NAV2: variants seen among roughly 807,000 people sequenced by gnomAD.
NAV2 encodes neuron navigator 2, also known as helicase, APC down-regulated 1.
Under a neutral mutation model 223.2 loss-of-function variants are expected in NAV2, and 54 were observed. That is an observed-to-expected ratio of 0.24 (90% CI 0.19 to 0.30). The LOEUF is 0.30. NAV2 is among the 10% of genes least tolerant of loss of function. The probability of loss-of-function intolerance (pLI) is 1.00; values close to 1 mark genes in which losing one functional copy is unlikely to be tolerated. For synonymous variants in NAV2, 1,279 were observed against 1,239.3 expected (o/e 1.03, Z -0.67); for missense variants, 2,806 against 3,147.5 (o/e 0.89, Z 2.60).
intron 1 of NAV2, among the ~76,000 whole-genome samples, chr11:19,672,381 C>T (rs2048596264): frequency 6.6e-6 from 1 of 152,236 alleles, no homozygotes; most frequent in Non-Finnish European, 1.5e-5. Context: ...GGTATCGCTG[C>T]TGGTCAAAGT....
intron 2 of NAV2, among the ~76,000 whole-genome samples, chr11:19,833,064 C>T (rs1165241682): frequency 6.6e-6 from 1 of 152,170 alleles, no homozygotes; most frequent in African/African-American, 2.4e-5. Flanking sequence ...ATTAGATGGT[C>T]CGGGTTAATA....
At chr11:19,884,835 T>G (rs528190922) in intron 5 of NAV2, among the ~76,000 whole-genome samples, 1 of 152,266 alleles carries the variant, frequency 6.6e-6, no homozygotes, top group South Asian at 2.1e-4. Flanking sequence ...TGGTTTTCCC[T>G]TGAGTTATAA....
In NAV2 at chr11:19,817,100, T is replaced by G. The variant is rs527394819; in HGVS notation, c.268-15384T>G. Among the ~76,000 whole-genome samples, 22 of 152,296 alleles carry G rather than the reference T, an allele frequency of 1.4e-4. No homozygotes were observed. In the East Asian group the frequency reaches 4.2e-3, roughly 29 times the overall value. On this transcript the variant is annotated intron_variant, in intron 1 of 37. Coordinates refer to ENST00000349880, the MANE Select transcript of NAV2 (RefSeq NM_145117.5). ...GCTCAGGTTTCTTGGGTAAGAAACATCCTCAAATAATCACCACGAGTGCAC... is the reference window on the plus strand; with the variant it reads ...GCTCAGGTTTCTTGGGTAAGAAACAGCCTCAAATAATCACCACGAGTGCAC...
Position 19,933,587 on chromosome 11 carries a change from T to C in NAV2, c.1343T>C (p.Met448Thr). The C allele has an allele frequency of 6.2e-7, 1 of 1,612,284 alleles. No individual in the cohort carries two copies. The highest frequency in any genetic ancestry group is 1.1e-5 in the South Asian group (1 of 91,034). Reference protein sequence around the residue: ...ESEELEAASRMLTTVGPASSS... With the variant: ...ESEELEAASRTLTTVGPASSS... ...GAGGAGCTGGAGGCCGCCAGTCGCA[T>C]GCTCACCACCGTGGGCCCTGCTTCC... The change falls in exon 7 of 38, where the codon ATG (methionine) becomes ACG (threonine). Residue 448 changes from methionine to threonine, a missense_variant. By Grantham distance (81) the Met-to-Thr change is moderately conservative. Coordinates refer to ENST00000349880, the MANE Select transcript of NAV2 (RefSeq NM_145117.5). This position sits in a 1 kb window ranked among gnomAD's most constrained non-coding sequence, Gnocchi z 4.3.
At chr11:19,876,725 G>A (rs1565477400) in intron 4 of NAV2, among the ~76,000 whole-genome samples, 9 of 151,806 alleles carry the variant, frequency 5.9e-5, no homozygotes, top group Admixed American at 5.9e-4. Flanking sequence ...TGATGTGAAC[G>A]TGCCTACTTT....
intron 1 of NAV2, among the ~76,000 whole-genome samples, chr11:19,387,495 C>T (rs979700018): frequency 6.6e-6 from 1 of 152,098 alleles, no homozygotes; most frequent in Non-Finnish European, 1.5e-5. Flanking sequence ...CCCATTTCCT[C>T]CAGGGGACAT....
At chr11:19,406,053 A>T (rs75537963) in intron 1 of NAV2, among the ~76,000 whole-genome samples, 5,814 of 152,284 alleles carry the variant, frequency 0.038, 348 homozygotes, top group African/African-American at 0.13. Flanking sequence ...AGAAATAAAT[A>T]CCAAAAAAGA....
At chr11:19,448,878 G>T (rs1851685370) in intron 1 of NAV2, among the ~76,000 whole-genome samples, 1 of 152,202 alleles carries the variant, frequency 6.6e-6, no homozygotes, top group South Asian at 2.1e-4. Context: ...AGGGAGAGAG[G>T]AGAGCCAGAA....
chr11:19,788,962 G>C (rs967338398), intron 1 of NAV2, among the ~76,000 whole-genome samples: 1 of 151,918 alleles, frequency 6.6e-6, no homozygotes, highest in African/African-American at 2.4e-5. Context: ...TTAGTAACAG[G>C]CTGTCTTCTT....
chr11:19,661,605 G>A (rs1420479404), intron 1 of NAV2, among the ~76,000 whole-genome samples: 2 of 152,152 alleles, frequency 1.3e-5, no homozygotes, highest in Non-Finnish European at 2.9e-5. Context: ...TGTGCTCTGG[G>A]ACAAGTTCCT....
intron 1 of NAV2, among the ~76,000 whole-genome samples, chr11:19,525,458 G>A (rs1201936153): frequency 6.6e-6 from 1 of 152,188 alleles, no homozygotes; most frequent in Admixed American, 6.5e-5. Flanking sequence ...GCAGGCAGAG[G>A]AAGTGAGGAC....
chr11:19,573,916 T>A (rs1487203), intron 1 of NAV2, among the ~76,000 whole-genome samples: 46,254 of 152,020 alleles, frequency 0.3, 7,364 homozygotes, highest in East Asian at 0.54. Context: ...GCAGGCTAAT[T>A]TACTGGCCTG....
intron 1 of NAV2, among the ~76,000 whole-genome samples, chr11:19,441,043 G>A (rs1376124019): frequency 6.6e-6 from 1 of 152,172 alleles, no homozygotes; most frequent in Non-Finnish European, 1.5e-5. Flanking sequence ...CAAAGAAGAT[G>A]TACAGGATGA....
intron 5 of NAV2, among the ~76,000 whole-genome samples, chr11:19,880,825 TG>T (rs1279331700): frequency 6.6e-6 from 1 of 152,230 alleles, no homozygotes; most frequent in Non-Finnish European, 1.5e-5. Context: ...AACATCACCC[TG>T]TAAAACTTTT....
At chr11:19,996,351 T>C (rs1455425362) in intron 11 of NAV2, among the ~76,000 whole-genome samples, 1 of 152,234 alleles carries the variant, frequency 6.6e-6, no homozygotes, top group African/African-American at 2.4e-5. Context: ...CCACTGCATC[T>C]GGATTTCTGA....
At chr11:20,048,198 A>G (rs2057646198) in intron 14 of NAV2, among the ~76,000 whole-genome samples, 1 of 152,148 alleles carries the variant, frequency 6.6e-6, no homozygotes, top group African/African-American at 2.4e-5. Context: ...TTGTGGATAA[A>G]TCTCTGAAGA....
At chr11:19,810,969 C>G (rs2058807057) in intron 1 of NAV2, among the ~76,000 whole-genome samples, 1 of 152,178 alleles carries the variant, frequency 6.6e-6, no homozygotes, top group Non-Finnish European at 1.5e-5. Flanking sequence ...ACAATAGGCT[C>G]TGTGTCAGTT....
chr11:19,940,739 G>A (rs2625338), intron 8 of NAV2, among the ~76,000 whole-genome samples: 144,680 of 152,294 alleles, frequency 0.95, 69,212 homozygotes, highest in South Asian at 1. Flanking sequence ...ATTAGCCCCA[G>A]TGATTAATTT....
At chr11:19,952,433 G>A (rs1377392103) in intron 10 of NAV2, among the ~76,000 whole-genome samples, 1 of 152,162 alleles carries the variant, frequency 6.6e-6, no homozygotes, top group East Asian at 1.9e-4. Context: ...AATCCCAGTC[G>A]GGGTCTAGAT....
Sources: allele counts gnomAD v4.1 joint callset (sites outside exome capture counted in the v4.1 genomes callset), GRCh38; gene constraint gnomAD v4.1.1; non-coding constraint Gnocchi (gnomAD v3.1); transcripts MANE v1.5; gene names NCBI Gene and HGNC (gene_info 2026-07-23, HGNC 2026-07-21).